PITPNM2: variants seen among roughly 807,000 people sequenced by gnomAD.
The protein encoded by PITPNM2 is phosphatidylinositol transfer protein membrane associated 2.
PITPNM2 carries 35 observed loss-of-function variants against 132.2 expected under a neutral mutation model. That is an observed-to-expected ratio of 0.26 (90% CI 0.20 to 0.35). PITPNM2 has a LOEUF of 0.35. Among genes scored for constraint, PITPNM2 ranks in the 10% least tolerant of loss-of-function variants. The pLI is 1.00. For missense variants in PITPNM2, 1,332 were observed against 1,912.0 expected (o/e 0.70, Z 5.66); for synonymous variants, 738 against 799.2 (o/e 0.92, Z 1.29).
At chr12:123,125,864 GTTTTTTT>G (rs373787897) in intron 1 of PITPNM2, among the ~76,000 whole-genome samples, 1 of 64,844 alleles carries the variant, frequency 1.5e-5, no homozygotes, top group African/African-American at 5.8e-5. Context: ...AAAAATTAGG[GTTTTTTT>G]TTTTTTTTTT....
intron 2 of PITPNM2, chr12:123,090,812 G>C (rs1268245597): frequency 1.3e-5 from 2 of 152,346 alleles, no homozygotes; most frequent in African/African-American, 4.8e-5. Flanking sequence ...AGCCAGCCTG[G>C]AGGTGGCCGG....
At position 123,004,548 on chromosome 12, in the gene PITPNM2, C is replaced by T. The variant is rs980833900; in HGVS notation, c.953-59G>A. 1.3e-6 allele frequency: 2 copies of T among 1,571,154 alleles called. No individual in the cohort carries two copies. Among genetic ancestry groups the T allele is most frequent in the African/African-American group, 2.7e-5 (2 of 74,112 alleles). On this transcript the variant is annotated intron_variant, in intron 7 of 25. Transcript: ENST00000320201. The surrounding 1 kb of genome is among the most constrained non-coding windows in gnomAD (Gnocchi z 4.9). ...GGAGAGGAAGGGCCCAGAGGCTGCC[C>T]TGAGCCGGCAGGAGGCAGGGAGGGC...
chr12:123,127,498 T>G (rs920595867), intron 1 of PITPNM2, among the ~76,000 whole-genome samples: 2 of 152,254 alleles, frequency 1.3e-5, no homozygotes, highest in African/African-American at 2.4e-5. Flanking sequence ...TGTCTTATTC[T>G]AATTAATTTT....
intron 2 of PITPNM2, among the ~76,000 whole-genome samples, chr12:123,049,353 C>A (rs1161976841): frequency 6.6e-6 from 1 of 152,160 alleles, no homozygotes. Flanking sequence ...CTTTGTGCAT[C>A]CCTCAACTCA....
chr12:123,083,436 T>C lies in PITPNM2; in HGVS notation c.-96+26949A>G, dbSNP rs1478003830. 6.6e-6 allele frequency: 1 copy of C among 152,248 alleles called. No homozygotes were observed. Among genetic ancestry groups the C allele is most frequent in the African/African-American group, 2.4e-5 (1 of 41,448 alleles). The allele number at this position is 152,248 out of a possible 1,614,324, so 9.4% of individuals were successfully genotyped here. A position where few individuals can be genotyped will look rare whatever the true frequency, so the allele number is the denominator to read the frequency against. On this transcript the variant is annotated intron_variant, in intron 2 of 25. Coordinates refer to ENST00000320201, the MANE Select transcript of PITPNM2 (RefSeq NM_020845.3). This position sits in a 1 kb window ranked among gnomAD's most constrained non-coding sequence, Gnocchi z 4.5. ...GGAGTTATGTCCCTCACCCCCACTG[T>C]AGACTAACTCCTGGTCCCACCCTAC... is the stretch of plus-strand genomic sequence containing the variant.
chr12:123,023,212 G>T lies in PITPNM2; in HGVS notation c.79-9170C>A, dbSNP rs540528179. Among the ~76,000 whole-genome samples, 1 of 152,236 alleles carries T rather than the reference G, an allele frequency of 6.6e-6. No individual in the cohort carries two copies. Among genetic ancestry groups the T allele is most frequent in the East Asian group, 1.9e-4 (1 of 5,200 alleles). On this transcript the variant is annotated intron_variant, in intron 3 of 25. Coordinates refer to ENST00000320201, the MANE Select transcript of PITPNM2 (RefSeq NM_020845.3). This position sits in a 1 kb window ranked among gnomAD's most constrained non-coding sequence, Gnocchi z 4.8. Reference sequence around the variant, plus strand: ...GTGTCTCCTGGACTTGGTGTATGGCGCAGGGAACTGAGGGCTGTGCTCCCT... The same window carrying T: ...GTGTCTCCTGGACTTGGTGTATGGCTCAGGGAACTGAGGGCTGTGCTCCCT...
intron 2 of PITPNM2, among the ~76,000 whole-genome samples, chr12:123,068,590 C>T (rs1253412727): frequency 2.0e-5 from 3 of 152,214 alleles, no homozygotes; most frequent in South Asian, 2.1e-4. Flanking sequence ...ATGCTTGAAG[C>T]GAGATCTGAG....
rs749746766 is a variant in PITPNM2 at position 123,005,579 on chromosome 12, A to G, written c.644-31T>C. 6.3e-7 allele frequency: 1 copy of G among 1,596,792 alleles called. No individual in the cohort carries two copies. The highest frequency in any genetic ancestry group is 1.1e-5 in the South Asian group (1 of 90,090). On this transcript the variant is annotated intron_variant, in intron 6 of 25. Coordinates refer to ENST00000320201, the MANE Select transcript of PITPNM2 (RefSeq NM_020845.3). The surrounding 1 kb of genome is among the most constrained non-coding windows in gnomAD (Gnocchi z 6.2). ...CCCCATGGGGATCAGAGAGGGAGAGACGAGGGGAGGGAGGTCAGCGCAGGA... is the reference window on the plus strand; with the variant it reads ...CCCCATGGGGATCAGAGAGGGAGAGGCGAGGGGAGGGAGGTCAGCGCAGGA...
At chr12:123,151,207 G>A (rs1398405856), upstream of PITPNM2, among the ~76,000 whole-genome samples, 5 of 146,664 alleles carry the variant, frequency 3.4e-5, no homozygotes, top group African/African-American at 9.9e-5. Flanking sequence ...TCTCGGCCCG[G>A]CCCCGCCGCC....
At position 123,079,350 on chromosome 12, in the gene PITPNM2, C is replaced by CTTTTTTTTTTTTTTTTTTTTTTTT. The variant is rs139205213; in HGVS notation, c.-96+31011_-96+31034dup. ...TTCACTTCTTTTTCTTTTTTCTTTT[C>CTTTTTTTTTTTTTTTTTTTTTTTT]TTTTTTTTTTTTTTTTTTTTTTTTT... On this transcript the variant is annotated intron_variant, in intron 2 of 25. Transcript: ENST00000320201. 3.5e-4 allele frequency among the ~76,000 whole-genome samples: 19 copies of CTTTTTTTTTTTTTTTTTTTTTTTT among 53,794 alleles called. 1 individual carries two copies. Among genetic ancestry groups the CTTTTTTTTTTTTTTTTTTTTTTTT allele is most frequent in the African/African-American group, 7.4e-4 (12 of 16,136 alleles). The allele number at this position is 53,794 out of a possible 152,430, so 35.3% of individuals were successfully genotyped here. A position where few individuals can be genotyped will look rare whatever the true frequency, so the allele number is the denominator to read the frequency against.
At chr12:123,062,607 G>A (rs2041278539) in intron 2 of PITPNM2, among the ~76,000 whole-genome samples, 1 of 152,194 alleles carries the variant, frequency 6.6e-6, no homozygotes, top group Non-Finnish European at 1.5e-5. Flanking sequence ...AGGTAAAGCT[G>A]CATATCTCAG....
In PITPNM2 at chr12:123,078,418, G is replaced by T. The variant is rs2041857567; in HGVS notation, c.-96+31967C>A. Among the ~76,000 whole-genome samples, 1 of 152,176 alleles carries T rather than the reference G, an allele frequency of 6.6e-6. No homozygotes were observed. The highest frequency in any genetic ancestry group is 1.5e-5 in the Non-Finnish European group (1 of 68,028). ...TGGGGGCTTTCTCGCCTGGCTCGTG[G>T]TGCTCCGCTGCCCCAAGAGCCTGGG... is the stretch of plus-strand genomic sequence containing the variant. On this transcript the variant is annotated intron_variant, in intron 2 of 25. Transcript: ENST00000320201. The surrounding 1 kb of genome is among the most constrained non-coding windows in gnomAD (Gnocchi z 7.3).
intron 1 of PITPNM2, among the ~76,000 whole-genome samples, chr12:123,119,355 A>AT (rs57829614): frequency 0.084 from 10,839 of 129,290 alleles, 706 homozygotes; most frequent in East Asian, 0.18. Context: ...GAGGATGGTG[A>AT]TTTTTTTTTT....
intron 2 of PITPNM2, among the ~76,000 whole-genome samples, chr12:123,070,353 G>A (rs2041586128): frequency 1.3e-5 from 2 of 152,224 alleles, no homozygotes; most frequent in South Asian, 4.1e-4. Flanking sequence ...CTATAGTGAA[G>A]GGGTTTGAGC....
rs1593013676 is a variant in PITPNM2 at position 123,099,254 on chromosome 12, T to TC, written c.-96+11130_-96+11131insG. On this transcript the variant is annotated intron_variant, in intron 2 of 25. Transcript: ENST00000320201. This position sits in a 1 kb window ranked among gnomAD's most constrained non-coding sequence, Gnocchi z 4.2. ...TTTGCTGAAAAAAAAAATATATATC[T>TC]TTTTTTTTAAAGAATGAAACCTCAT... is the stretch of plus-strand genomic sequence containing the variant. Among the ~76,000 whole-genome samples, 1 of 151,632 alleles carries TC rather than the reference T, an allele frequency of 6.6e-6. No individual in the cohort carries two copies. The highest frequency in any genetic ancestry group is 1.9e-4 in the East Asian group (1 of 5,172).
At chr12:123,138,086 G>A (rs908799490) in intron 1 of PITPNM2, among the ~76,000 whole-genome samples, 3 of 152,018 alleles carry the variant, frequency 2.0e-5, no homozygotes, top group African/African-American at 4.8e-5. Flanking sequence ...ACATCTAAAC[G>A]TCTATCAATG....
intron 23 of PITPNM2, 53 bp from the exon 24 acceptor site, chr12:122,986,882 C>T: frequency 6.5e-7 from 1 of 1,530,544 alleles, no homozygotes. Flanking sequence ...CTGGGCCTCC[C>T]TGTCTCCTGC....
In PITPNM2 at chr12:122,984,040, G is replaced by C. The variant is rs925219458; in HGVS notation, c.*1987C>G. ...ATACAGAAGAGACTTCCCATGGGGG[G>C]GCAGGCTGCCCACCTTGCCATCTAT... On this transcript the variant is annotated 3_prime_UTR_variant, in exon 26 of 26. Coordinates refer to ENST00000320201, the MANE Select transcript of PITPNM2 (RefSeq NM_020845.3). 6.5e-6 allele frequency: 1 copy of C among 152,748 alleles called. No homozygotes were observed. The highest frequency in any genetic ancestry group is 6.5e-5 in the Admixed American group (1 of 15,288). 9.5% of individuals were successfully genotyped at this position (152,748 alleles called of 1,614,324 possible).
In PITPNM2 at chr12:122,993,275, G is replaced by C. The variant is rs762008598; in HGVS notation, c.2234-606C>G. On this transcript the variant is annotated intron_variant, in intron 15 of 25. Coordinates refer to ENST00000320201, the MANE Select transcript of PITPNM2 (RefSeq NM_020845.3). The surrounding 1 kb of genome is among the most constrained non-coding windows in gnomAD (Gnocchi z 5.2). ...CAGCTCATCTTGCGGGAGCACCACC[G>C]AGTGCTGGCTAGGGCAGCCCTGCCC... Among the ~76,000 whole-genome samples the C allele has an allele frequency of 2.4e-4, 36 of 152,200 alleles. No individual in the cohort carries two copies. Among genetic ancestry groups the C allele is most frequent in the Non-Finnish European group, 4.0e-4 (27 of 68,044 alleles).
Sources: gnomAD v4.1 joint callset for allele counts (sites outside exome capture counted in the v4.1 genomes callset) on GRCh38, gnomAD v4.1.1 for gene constraint, Gnocchi (gnomAD v3.1) non-coding constraint, MANE v1.5 for transcripts, NCBI Gene and HGNC (gene_info 2026-07-23, HGNC 2026-07-21) for gene names.